Variants in TBC1D22A observed in about 807,000 individuals in gnomAD.
The protein encoded by TBC1D22A is TBC1 domain family member 22A.
Under a neutral mutation model 60.2 loss-of-function variants are expected in TBC1D22A, and 38 were observed. The observed-to-expected ratio is 0.63, with a 90% CI of 0.49 to 0.83. The LOEUF (loss-of-function observed/expected upper bound fraction) is 0.83, where lower values mean the gene tolerates loss of function less well. TBC1D22A is among the 40% of genes least tolerant of loss of function. The pLI is 0.00. For missense variants in TBC1D22A, 628 were observed against 701.0 expected (o/e 0.90, Z 1.18); for synonymous variants, 302 against 281.7 (o/e 1.07, Z -0.72).
intron 6 of TBC1D22A, 140 bp from the exon 7 acceptor site, chr22:46,894,644 A>G: frequency 1.0e-6 from 1 of 979,212 alleles, no homozygotes; most frequent in Non-Finnish European, 1.6e-6. Flanking sequence ...AGGTGGTAAC[A>G]TGGAGAACGA....
chr22:47,137,353 CCAGT>C (rs1358332568), intron 12 of TBC1D22A, among the ~76,000 whole-genome samples: 1 of 152,128 alleles, frequency 6.6e-6, no homozygotes, highest in African/African-American at 2.4e-5. Flanking sequence ...GTGGTGGGGT[CCAGT>C]CAGAGTGGAC....
At chr22:47,111,113 T>C (rs562109687) in intron 11 of TBC1D22A, among the ~76,000 whole-genome samples, 11 of 152,320 alleles carry the variant, frequency 7.2e-5, no homozygotes, top group African/African-American at 2.4e-4. Flanking sequence ...TGTTTCCTCA[T>C]CTGTGGAGTG....
intron 1 of TBC1D22A, among the ~76,000 whole-genome samples, chr22:46,772,884 T>G (rs948459964): frequency 6.6e-6 from 1 of 152,178 alleles, no homozygotes; most frequent in Admixed American, 6.5e-5. Flanking sequence ...TGCCTTGGCC[T>G]CCCAAAGTGC....
chr22:47,096,661 A>G (rs1458324366), intron 11 of TBC1D22A, among the ~76,000 whole-genome samples: 3 of 152,050 alleles, frequency 2.0e-5, no homozygotes, highest in Non-Finnish European at 4.4e-5. Flanking sequence ...ATCTCTACTA[A>G]AAATACAAAA....
intron 5 of TBC1D22A, among the ~76,000 whole-genome samples, chr22:46,887,622 A>T (rs762093391): frequency 1.4e-4 from 22 of 152,242 alleles, no homozygotes; most frequent in Non-Finnish European, 2.8e-4. Context: ...ATTAATTTTC[A>T]AGTGTAACAC....
chr22:47,005,230 CCTATACACAGAAACACCA>C (rs2061545927), intron 10 of TBC1D22A, among the ~76,000 whole-genome samples: 1 of 151,522 alleles, frequency 6.6e-6, no homozygotes, highest in Non-Finnish European at 1.5e-5. Flanking sequence ...TACACACATG[CCTATACACAGAAACACCA>C]CTATACACAC....
intron 8 of TBC1D22A, among the ~76,000 whole-genome samples, chr22:46,947,956 C>T (rs181815503): frequency 2.0e-5 from 3 of 152,272 alleles, no homozygotes; most frequent in African/African-American, 4.8e-5. Flanking sequence ...AGAATCCTGC[C>T]CTCACCTGAT....
At chr22:46,875,758 A>G (rs561367759) in intron 4 of TBC1D22A, among the ~76,000 whole-genome samples, 42 of 152,248 alleles carry the variant, frequency 2.8e-4, no homozygotes, top group Middle Eastern at 3.4e-3. Flanking sequence ...GCCTAGCAAT[A>G]TGCTTATTAT....
chr22:46,904,154 CCTACCTACCTA>C (rs1569199932), intron 7 of TBC1D22A, among the ~76,000 whole-genome samples: 1 of 107,188 alleles, frequency 9.3e-6, no homozygotes, highest in Non-Finnish European at 2.0e-5. Flanking sequence ...TACCTACCTA[CCTACCTACCTA>C]CCTACCTACC....
chr22:47,065,651 G>T, intron 11 of TBC1D22A, among the ~76,000 whole-genome samples: 2 of 152,280 alleles, frequency 1.3e-5, no homozygotes, highest in East Asian at 1.9e-4. Flanking sequence ...GACTGGGTTG[G>T]ATTGAGGGAG....
intron 1 of TBC1D22A, among the ~76,000 whole-genome samples, chr22:46,766,367 G>A (rs1389305270): frequency 6.6e-6 from 1 of 151,574 alleles, no homozygotes; most frequent in Non-Finnish European, 1.5e-5. Context: ...CTGATCATGT[G>A]ATCCACCAGC....
chr22:47,175,091 CTG>C lies in TBC1D22A; in HGVS notation c.*1468_*1469del, dbSNP rs2068637635. 1.3e-5 allele frequency: 2 copies of C among 152,384 alleles called. No homozygotes were observed. The highest frequency in any genetic ancestry group is 2.4e-5 in the African/African-American group (1 of 41,582). 9.4% of individuals were successfully genotyped at this position (152,384 alleles called of 1,614,324 possible). A position where few individuals can be genotyped will look rare whatever the true frequency, so the allele number is the denominator to read the frequency against. On this transcript the variant is annotated 3_prime_UTR_variant, in exon 13 of 13. Transcript: ENST00000337137. Reference sequence around the variant, plus strand: ...CCAGGCCCTAGGACACTGCCAGAGACTGTGGGACATACAGGCATAAGTGATGT... The same window carrying C: ...CCAGGCCCTAGGACACTGCCAGAGACTGGGACATACAGGCATAAGTGATGT...
intron 7 of TBC1D22A, among the ~76,000 whole-genome samples, chr22:46,900,530 G>C (rs984201760): frequency 1.3e-5 from 2 of 152,174 alleles, no homozygotes; most frequent in Admixed American, 1.3e-4. Context: ...GGTTCCCCAT[G>C]TCCCTTTGTG....
At chr22:47,163,698 G>A (rs1315055063) in intron 12 of TBC1D22A, among the ~76,000 whole-genome samples, 2 of 152,218 alleles carry the variant, frequency 1.3e-5, no homozygotes, top group African/African-American at 4.8e-5. Flanking sequence ...CACTGCCTCT[G>A]AGGGGTGGGC....
intron 4 of TBC1D22A, among the ~76,000 whole-genome samples, chr22:46,820,435 C>G (rs2085778183): frequency 6.8e-6 from 1 of 147,992 alleles, no homozygotes; most frequent in Admixed American, 6.6e-5. Flanking sequence ...TACATTGTCT[C>G]TTTGTTCTCA....
At chr22:47,071,537 A>G (rs982371477) in intron 11 of TBC1D22A, among the ~76,000 whole-genome samples, 1 of 152,184 alleles carries the variant, frequency 6.6e-6, no homozygotes, top group African/African-American at 2.4e-5. Flanking sequence ...TCCCGCTTTT[A>G]GGCTCTTTGC....
intron 8 of TBC1D22A, among the ~76,000 whole-genome samples, chr22:46,972,969 G>A (rs1333155264): frequency 6.6e-6 from 1 of 152,146 alleles, no homozygotes; most frequent in Non-Finnish European, 1.5e-5. Flanking sequence ...CCAGGCCCTC[G>A]AGCGCCCAGC....
chr22:46,970,418 A>T (rs1211070597), intron 8 of TBC1D22A, among the ~76,000 whole-genome samples: 1 of 151,922 alleles, frequency 6.6e-6, no homozygotes, highest in Non-Finnish European at 1.5e-5. Flanking sequence ...CTCATTTGTG[A>T]TCTTACCTGA....
intron 4 of TBC1D22A, among the ~76,000 whole-genome samples, chr22:46,854,634 G>A (rs907642686): frequency 6.6e-6 from 1 of 150,822 alleles, no homozygotes; most frequent in African/African-American, 2.4e-5. Context: ...AGACCTTTAT[G>A]ATGTCTGCCC....
Sources: allele counts gnomAD v4.1 joint callset (sites outside exome capture counted in the v4.1 genomes callset), GRCh38; gene constraint gnomAD v4.1.1; transcripts MANE v1.5; gene names NCBI Gene and HGNC (gene_info 2026-07-23, HGNC 2026-07-21).